Variants in NFXL1 observed in about 807,000 individuals in gnomAD.
The protein encoded by NFXL1 is NF-X1-type zinc finger protein NFXL1.
In NFXL1, 66 loss-of-function variants were observed where a neutral mutation model predicts 123.3. The observed-to-expected ratio is 0.54, with a 90% CI of 0.44 to 0.66. NFXL1 has a LOEUF of 0.66. Among genes scored for constraint, NFXL1 ranks in the 30% least tolerant of loss-of-function variants. The pLI is 0.00. For missense variants in NFXL1, 944 were observed against 1,125.6 expected (o/e 0.84, Z 2.31); for synonymous variants, 346 against 360.8 (o/e 0.96, Z 0.46).
chr4:47,894,225 C>T lies in NFXL1; in HGVS notation c.1407G>A (p.Lys469=), dbSNP rs1736944207. ...TCTGACAGTCACGCATCTTAACACA[C>T]TTAGTTTCACACAGATAAGGTTTAT... ...PCHKPYLCET[K]CVKMRDCQKH... is the part of the protein sequence containing the mutation. The change falls in exon 11 of 23, where the codon AAG becomes AAA. Residue 469 remains lysine, a synonymous_variant. Coordinates refer to ENST00000507489, the MANE Select transcript of NFXL1 (RefSeq NM_001278624.2). The T allele has an allele frequency of 1.2e-6, 2 of 1,607,018 alleles. No individual in the cohort carries two copies. Among genetic ancestry groups the T allele is most frequent in the Admixed American group, 1.7e-5 (1 of 59,036 alleles).
chr4:47,883,484 T>C lies in NFXL1; in HGVS notation c.1916+862A>G, dbSNP rs189150842. 6.3e-3 allele frequency among the ~76,000 whole-genome samples: 955 copies of C among 152,262 alleles called. 3 individuals carry two copies. Among genetic ancestry groups the C allele is most frequent in the South Asian group, 0.018 (89 of 4,830 alleles). On this transcript the variant is annotated intron_variant, in intron 15 of 22. Coordinates refer to ENST00000507489, the MANE Select transcript of NFXL1 (RefSeq NM_001278624.2). ...CAGTAAAAGAATAGTCTCAAATAAC[T>C]GAATACCTACATGAAAAACCTCTCT...
intron 18 of NFXL1, among the ~76,000 whole-genome samples, chr4:47,866,802 T>C (rs956095446): frequency 3.3e-5 from 5 of 152,198 alleles, no homozygotes; most frequent in South Asian, 2.1e-4. Flanking sequence ...TGCTGAACAG[T>C]TGCTTTCCCT....
intron 18 of NFXL1, among the ~76,000 whole-genome samples, chr4:47,869,837 G>A (rs1231951248): frequency 1.3e-5 from 2 of 151,722 alleles, no homozygotes; most frequent in African/African-American, 4.8e-5. Flanking sequence ...CAAGAAAGAA[G>A]GAGAAAGCAA....
chr4:47,857,326 T>C (rs1734471361), intron 19 of NFXL1, among the ~76,000 whole-genome samples: 1 of 152,212 alleles, frequency 6.6e-6, no homozygotes, highest in South Asian at 2.1e-4. Context: ...CTCTGATATC[T>C]ATCATTTAAA....
intron 4 of NFXL1, among the ~76,000 whole-genome samples, chr4:47,904,085 G>T (rs948803356): frequency 6.6e-6 from 1 of 152,162 alleles, no homozygotes. Context: ...CCCCAAAGCG[G>T]TATCTAAGAA....
At chr4:47,879,165 A>T in intron 15 of NFXL1, 48 bp from the exon 16 acceptor site, 1 of 817,150 alleles carries the variant, frequency 1.2e-6, no homozygotes, top group Non-Finnish European at 1.9e-6. Context: ...AATTATTCAA[A>T]AATAATACCT....
rs751263358 is a variant in NFXL1 at position 47,914,440 on chromosome 4, A to C, written c.-78T>G. On this transcript the variant is annotated 5_prime_UTR_variant, in exon 1 of 23. Coordinates refer to ENST00000507489, the MANE Select transcript of NFXL1 (RefSeq NM_001278624.2). Reference sequence around the variant, plus strand: ...GGAGGGAGGACTAGGTACAGAAATAAACCGCGGAGCAAGAAGCACACAGTG... The same window carrying C: ...GGAGGGAGGACTAGGTACAGAAATACACCGCGGAGCAAGAAGCACACAGTG... The C allele has an allele frequency of 5.2e-5, 24 of 461,316 alleles. No homozygotes were observed. Among genetic ancestry groups the C allele is most frequent in the Non-Finnish European group, 8.9e-5 (23 of 259,074 alleles). The allele number at this position is 461,316 out of a possible 1,614,324, so 28.6% of individuals were successfully genotyped here.
At chr4:47,878,896 T>C (rs1364208631) in intron 16 of NFXL1, among the ~76,000 whole-genome samples, 200 bp downstream of exon 16, 1 of 152,160 alleles carries the variant, frequency 6.6e-6, no homozygotes, top group African/African-American at 2.4e-5. Flanking sequence ...TATGATTCTG[T>C]AGTGAATGCA....
intron 2 of NFXL1, among the ~76,000 whole-genome samples, chr4:47,913,666 T>G (rs748699810): frequency 6.6e-6 from 1 of 152,212 alleles, no homozygotes; most frequent in Non-Finnish European, 1.5e-5. Context: ...AACAACATTA[T>G]AGACCAAATC....
chr4:47,907,812 G>A (rs899047656), intron 3 of NFXL1, among the ~76,000 whole-genome samples: 6 of 152,124 alleles, frequency 3.9e-5, no homozygotes, highest in African/African-American at 1.4e-4. Flanking sequence ...AAAATAAAAT[G>A]ACTCTATCTA....
intron 9 of NFXL1, among the ~76,000 whole-genome samples, chr4:47,897,348 A>G (rs1170320331): frequency 6.6e-6 from 1 of 152,136 alleles, no homozygotes; most frequent in East Asian, 1.9e-4. Flanking sequence ...TATAAAATTC[A>G]CCTGTAACAT....
Position 47,885,867 on chromosome 4 carries a change from C to A in NFXL1, c.1664+12G>T. ...ACATCAGATGGAAGCTTGTGCAAAG[C>A]TTCAAACTCACCTGCATTGCTCCTT... On this transcript the variant is annotated intron_variant, in intron 13 of 22. Coordinates refer to ENST00000507489, the MANE Select transcript of NFXL1 (RefSeq NM_001278624.2). 6.2e-7 allele frequency: 1 copy of A among 1,607,662 alleles called. No individual in the cohort carries two copies. The highest frequency in any genetic ancestry group is 8.5e-7 in the Non-Finnish European group (1 of 1,178,360).
At chr4:47,866,153 A>C (rs2110050861) in intron 18 of NFXL1, among the ~76,000 whole-genome samples, 1 of 152,226 alleles carries the variant, frequency 6.6e-6, no homozygotes, top group Non-Finnish European at 1.5e-5. Context: ...AAAATAAAAT[A>C]AAATAAGTAC....
At chr4:47,909,907 G>A (rs543134911) in intron 3 of NFXL1, among the ~76,000 whole-genome samples, 51 of 152,048 alleles carry the variant, frequency 3.4e-4, no homozygotes, top group Admixed American at 1.4e-3. Context: ...GTGATCCCCC[G>A]GCCTCGGCCT....
At chr4:47,848,701 A>G (rs182052482) in intron 22 of NFXL1, among the ~76,000 whole-genome samples, 11 of 152,188 alleles carry the variant, frequency 7.2e-5, no homozygotes, top group Admixed American at 2.0e-4. Context: ...CATCCTGGCT[A>G]ACATGGTGAA....
intron 18 of NFXL1, among the ~76,000 whole-genome samples, chr4:47,870,198 C>T (rs758136895): frequency 1.2e-4 from 19 of 152,020 alleles, no homozygotes; most frequent in Admixed American, 6.6e-4. Context: ...ATAAAACAAA[C>T]GTAACGTTGA....
At chr4:47,881,947 G>C (rs762267918) in intron 15 of NFXL1, among the ~76,000 whole-genome samples, 6 of 152,120 alleles carry the variant, frequency 3.9e-5, no homozygotes, top group Admixed American at 6.6e-5. Context: ...TATTCTGTAT[G>C]AAACTATAAT....
chr4:47,886,963 T>C (rs1736472537), intron 12 of NFXL1, among the ~76,000 whole-genome samples: 1 of 152,212 alleles, frequency 6.6e-6, no homozygotes, highest in Non-Finnish European at 1.5e-5. Flanking sequence ...CCATTAATTG[T>C]GCTTTGTGAA....
At chr4:47,863,025 C>A (rs1244779941) in intron 18 of NFXL1, 110 bp from the exon 19 acceptor site, 8 of 663,904 alleles carry the variant, frequency 1.2e-5, no homozygotes, top group Non-Finnish European at 2.1e-5. Flanking sequence ...CTTTTTTCCT[C>A]AAGAAATACT....
Sources: allele counts gnomAD v4.1 joint callset (sites outside exome capture counted in the v4.1 genomes callset), GRCh38; gene constraint gnomAD v4.1.1; transcripts MANE v1.5; gene names NCBI Gene and HGNC (gene_info 2026-07-23, HGNC 2026-07-21).